SEC22A: variants seen among roughly 807,000 people sequenced by gnomAD.
SEC22A encodes SEC22 homolog A, vesicle trafficking protein, also known as vesicle-trafficking protein SEC22a.
In SEC22A, 22 loss-of-function variants were observed where a neutral mutation model predicts 35.3. The observed-to-expected ratio is 0.62, with a 90% confidence interval of 0.45 to 0.89. SEC22A has a LOEUF of 0.89. Among genes scored for constraint, SEC22A ranks in the 40% least tolerant of loss-of-function variants. The pLI, the probability that SEC22A is intolerant of heterozygous loss-of-function variation, is 0.00. For synonymous variants in SEC22A, 119 were observed against 129.5 expected, an observed-to-expected ratio of 0.92 and a Z score of 0.55; for missense variants, 354 against 362.5, an observed-to-expected ratio of 0.98 and a Z score of 0.19.
chr3:123,245,177 A>C (rs1194264881), intron 4 of SEC22A, among the ~76,000 whole-genome samples: 1 of 152,198 alleles, frequency 6.6e-6, no homozygotes, highest in Non-Finnish European at 1.5e-5. Flanking sequence ...AGTTTTGCTT[A>C]AAAGTAAGCT....
At chr3:123,207,043 G>A (rs1447368343) in intron 1 of SEC22A, among the ~76,000 whole-genome samples, 6 of 152,144 alleles carry the variant, frequency 3.9e-5, no homozygotes, top group African/African-American at 1.2e-4. Context: ...AACTGAGATC[G>A]CACCACTACA....
intron 6 of SEC22A, among the ~76,000 whole-genome samples, chr3:123,267,044 G>A (rs963184092): frequency 6.6e-6 from 1 of 151,860 alleles, no homozygotes; most frequent in African/African-American, 2.4e-5. Context: ...GAAATATTTT[G>A]ATATTTATCT....
chr3:123,235,011 A>G (rs1035556948), intron 4 of SEC22A, among the ~76,000 whole-genome samples: 1 of 143,248 alleles, frequency 7.0e-6, no homozygotes, highest in South Asian at 2.2e-4. Context: ...CAACAGCCAG[A>G]CCTTGTCTCA....
At chr3:123,254,342 A>G (rs1576501154) in intron 5 of SEC22A, among the ~76,000 whole-genome samples, 1 of 152,150 alleles carries the variant, frequency 6.6e-6, no homozygotes, top group East Asian at 1.9e-4. Context: ...TTAAAAGAAA[A>G]TGTCCTTTAT....
At chr3:123,222,387 C>CGGGG (rs890379234) in intron 2 of SEC22A, among the ~76,000 whole-genome samples, 1 of 151,744 alleles carries the variant, frequency 6.6e-6, no homozygotes, top group Admixed American at 6.6e-5. Context: ...TTAGTAGAGA[C>CGGGG]GGGGTTTCAC....
Position 123,271,626 on chromosome 3 carries a change from C to G in SEC22A, c.828C>G (p.Leu276=). 1 of 1,614,226 alleles carries G rather than the reference C, an allele frequency of 6.2e-7. No individual in the cohort carries two copies. The highest frequency in any genetic ancestry group is 8.5e-7 in the Non-Finnish European group (1 of 1,180,040). The change falls in exon 7 of 7, where the codon CTC becomes CTG. Residue 276 remains leucine (L), a synonymous_variant. Coordinates refer to ENST00000492595, the MANE Select transcript of SEC22A (RefSeq NM_012430.5). The part of the protein sequence containing the change: ...CNMYLYELRN[L]WQLFFHVTVG... ...TGTATCTCTATGAACTGCGCAACCT[C>G]TGGCAGCTTTTCTTTCATGTGACTG...
intron 2 of SEC22A, among the ~76,000 whole-genome samples, chr3:123,220,156 G>A (rs780242610): frequency 1.3e-5 from 2 of 152,178 alleles, no homozygotes; most frequent in African/African-American, 4.8e-5. Flanking sequence ...GGGATAAACT[G>A]TCATGTAGGT....
At chr3:123,211,772 A>G (rs972633955) in intron 2 of SEC22A, among the ~76,000 whole-genome samples, 1 of 152,004 alleles carries the variant, frequency 6.6e-6, no homozygotes, top group Non-Finnish European at 1.5e-5. Flanking sequence ...TTAATTATTT[A>G]ACTTGAGGTT....
chr3:123,271,575 T>C lies in SEC22A; in HGVS notation c.777T>C (p.Thr259=), dbSNP rs1938161328. 1.2e-6 allele frequency: 2 copies of C among 1,614,152 alleles called. No homozygotes were observed. The highest frequency in any genetic ancestry group is 1.7e-6 in the Non-Finnish European group (2 of 1,180,000). Residue 259 remains threonine, a synonymous_variant, in exon 7 of 7, where the codon ACT becomes ACC. Transcript: ENST00000492595. ...TGWRNVKSFL[T]FGLICLCNMY... The stretch of plus-strand genomic sequence containing the variant: ...GGCGGAATGTCAAATCTTTTTTGAC[T>C]TTTGGCTTAATCTGTCTATGCAACA...
chr3:123,257,344 A>G (rs1937755862), intron 5 of SEC22A, among the ~76,000 whole-genome samples: 2 of 152,232 alleles, frequency 1.3e-5, no homozygotes, highest in African/African-American at 4.8e-5. Context: ...GTCCCAGATT[A>G]TAAGTAAATA....
intron 1 of SEC22A, chr3:123,208,278 A>G (rs894919853): frequency 1.3e-5 from 2 of 152,128 alleles, no homozygotes; most frequent in Non-Finnish European, 2.9e-5. Context: ...TCACCATTTT[A>G]TAGGATATTT....
At chr3:123,247,369 A>C (rs920936796) in intron 5 of SEC22A, among the ~76,000 whole-genome samples, 7 of 152,212 alleles carry the variant, frequency 4.6e-5, no homozygotes, top group Non-Finnish European at 1.0e-4. Flanking sequence ...AACAGTATAC[A>C]AGTTATGGAA....
At chr3:123,259,988 C>A (rs566611170) in intron 6 of SEC22A, among the ~76,000 whole-genome samples, 167 of 151,824 alleles carry the variant, frequency 1.1e-3, no homozygotes, top group Non-Finnish European at 1.4e-3. Flanking sequence ...AAAAATTAGC[C>A]GGGCATGGTG....
At chr3:123,219,950 G>A (rs1576486900) in intron 2 of SEC22A, among the ~76,000 whole-genome samples, 5 of 152,150 alleles carry the variant, frequency 3.3e-5, no homozygotes, top group South Asian at 4.1e-4. Flanking sequence ...TTCAAATAAA[G>A]CATTATAAAA....
At chr3:123,245,387 A>T (rs922140058) in intron 4 of SEC22A, among the ~76,000 whole-genome samples, 1 of 152,214 alleles carries the variant, frequency 6.6e-6, no homozygotes, top group Non-Finnish European at 1.5e-5. Context: ...TGCAAGTTAC[A>T]TGTCTTTGTT....
intron 2 of SEC22A, among the ~76,000 whole-genome samples, chr3:123,219,238 G>A (rs1031858219): frequency 6.6e-6 from 1 of 152,170 alleles, no homozygotes. Flanking sequence ...AATGTAGAGA[G>A]GGAGGAGTAA....
At chr3:123,241,040 C>T (rs1937515619) in intron 4 of SEC22A, among the ~76,000 whole-genome samples, 1 of 147,166 alleles carries the variant, frequency 6.8e-6, no homozygotes, top group South Asian at 2.1e-4. Context: ...CACACACACA[C>T]ACATCCCCTT....
At chr3:123,210,303 T>C (rs1936920575) in intron 2 of SEC22A, among the ~76,000 whole-genome samples, 1 of 152,164 alleles carries the variant, frequency 6.6e-6, no homozygotes, top group Admixed American at 6.5e-5. Flanking sequence ...TAGAAGTAGT[T>C]AGATTGGGGC....
chr3:123,259,093 T>C (rs1189583580), intron 5 of SEC22A, among the ~76,000 whole-genome samples: 1 of 152,228 alleles, frequency 6.6e-6, no homozygotes, highest in East Asian at 1.9e-4. Context: ...AATTACTTTA[T>C]TGGACAATTC....
Sources: allele counts gnomAD v4.1 joint callset (sites outside exome capture counted in the v4.1 genomes callset), GRCh38; gene constraint gnomAD v4.1.1; transcripts MANE v1.5; gene names NCBI Gene and HGNC (gene_info 2026-07-23, HGNC 2026-07-21).